The following C2orf92 variants were observed in gnomAD, a reference collection of about 807,000 sequenced individuals.
The protein encoded by C2orf92 is chromosome 2 open reading frame 92, also known as uncharacterized protein C2orf92.
intron 1 of C2orf92, among the ~76,000 whole-genome samples, 187 bp downstream of exon 1, chr2:97,670,021 T>C (rs1374392434): frequency 2.0e-5 from 3 of 152,202 alleles, no homozygotes; most frequent in South Asian, 2.1e-4. Flanking sequence ...AACATTTTCC[T>C]AACTTTGAAG....
At chr2:97,665,725 CTCTCTCTCTCTCTATATA>C (rs1375268183), upstream of C2orf92, 295 of 45,032 alleles carry the variant, frequency 6.6e-3, no homozygotes, top group African/African-American at 0.022. Flanking sequence ...CTCTCTCTCT[CTCTCTCTCTCTCTATATA>C]TATATATATA....
chr2:97,686,977 C>T (rs1462051807), intron 3 of C2orf92, among the ~76,000 whole-genome samples: 1 of 151,704 alleles, frequency 6.6e-6, no homozygotes, highest in Non-Finnish European at 1.5e-5. Flanking sequence ...GAGACTGCAC[C>T]ACTGCACTCC....
intron 3 of C2orf92, among the ~76,000 whole-genome samples, chr2:97,687,383 A>G (rs1676000530): frequency 6.6e-6 from 1 of 152,140 alleles, no homozygotes; most frequent in Non-Finnish European, 1.5e-5. Context: ...AATAGCAGAA[A>G]TGGAAATTTT....
chr2:97,687,089 G>C (rs1675987004), intron 3 of C2orf92, among the ~76,000 whole-genome samples: 1 of 152,136 alleles, frequency 6.6e-6, no homozygotes, highest in South Asian at 2.1e-4. Flanking sequence ...AATGGGCCAG[G>C]CATGGTGGCT....
In C2orf92 at chr2:97,688,968, C is replaced by T; in HGVS notation, c.306C>T (p.Ser102=). 1 of 398,564 alleles carries T rather than the reference C, an allele frequency of 2.5e-6. No homozygotes were observed. The highest frequency in any genetic ancestry group is 4.4e-6 in the Non-Finnish European group (1 of 226,058). The allele number at this position is 398,564 out of a possible 1,614,324, so 24.7% of individuals were successfully genotyped here. The part of the protein sequence containing the change: ...PSFNEATAVR[S]ITKTDMRKGT... ...TTAACGAAGCAACAGCAGTCAGATCCATTACAAAGACAGACATGAGAAAAG... is the reference window on the plus strand; with the variant it reads ...TTAACGAAGCAACAGCAGTCAGATCTATTACAAAGACAGACATGAGAAAAG... Residue 102 remains serine, a synonymous_variant, in exon 4 of 8, where the codon TCC becomes TCT. Coordinates refer to ENST00000627399, the MANE Select transcript of C2orf92 (RefSeq NM_001351368.2).
intron 1 of C2orf92, among the ~76,000 whole-genome samples, chr2:97,673,818 G>A (rs891377627): frequency 2.0e-5 from 3 of 152,176 alleles, no homozygotes; most frequent in African/African-American, 4.8e-5. Context: ...ATAAGGCTGG[G>A]TGAAAGCTTG....
At chr2:97,675,032 A>G (rs1026200987) in intron 2 of C2orf92, among the ~76,000 whole-genome samples, 3 of 152,088 alleles carry the variant, frequency 2.0e-5, no homozygotes, top group Non-Finnish European at 2.9e-5. Flanking sequence ...TCTGTAAAAT[A>G]TTTGCCCAGA....
intron 3 of C2orf92, among the ~76,000 whole-genome samples, chr2:97,684,031 ATTTTTTTTT>A (rs1204247684): frequency 9.3e-6 from 1 of 107,196 alleles, no homozygotes; most frequent in Middle Eastern, 4.9e-3. Context: ...TGCCCAGCTA[ATTTTTTTTT>A]TTTTTTTTTT....
intron 6 of C2orf92, among the ~76,000 whole-genome samples, chr2:97,700,207 ACT>A (rs1270669853): frequency 1.3e-5 from 2 of 151,932 alleles, no homozygotes; most frequent in African/African-American, 4.8e-5. Flanking sequence ...TATTCCGTCC[ACT>A]CTCACAATTT....
At chr2:97,678,659 C>A (rs1298545702) in intron 3 of C2orf92, among the ~76,000 whole-genome samples, 4 of 151,888 alleles carry the variant, frequency 2.6e-5, no homozygotes, top group African/African-American at 7.3e-5. Context: ...ATGGCACATT[C>A]AAAGTTCTGA....
At chr2:97,674,792 C>T (rs182025726) in intron 2 of C2orf92, among the ~76,000 whole-genome samples, 15 of 152,246 alleles carry the variant, frequency 9.9e-5, no homozygotes, top group Admixed American at 2.6e-4. Context: ...TGATCCCTGA[C>T]GTGCAGTGTC....
At chr2:97,664,821 C>T (rs534301503), upstream of C2orf92, 2 of 152,312 alleles carry the variant, frequency 1.3e-5, no homozygotes, top group Non-Finnish European at 2.9e-5. Flanking sequence ...GCGATCCTCC[C>T]GCTTAGTCTT....
At chr2:97,673,347 C>G (rs924972478) in intron 1 of C2orf92, among the ~76,000 whole-genome samples, 8 of 151,990 alleles carry the variant, frequency 5.3e-5, no homozygotes, top group African/African-American at 1.9e-4. Context: ...TATGGCTGGT[C>G]TGCAGCACCC....
chr2:97,691,845 G>A (rs1186597705), intron 5 of C2orf92, among the ~76,000 whole-genome samples: 1 of 152,138 alleles, frequency 6.6e-6, no homozygotes, highest in Admixed American at 6.6e-5. Context: ...CTGAGATCGC[G>A]CCACTGCACT....
chr2:97,681,646 C>T (rs545127337), intron 3 of C2orf92, among the ~76,000 whole-genome samples: 149 of 152,332 alleles, frequency 9.8e-4, no homozygotes, highest in African/African-American at 3.4e-3. Flanking sequence ...ATCACGAGGT[C>T]AGGAGATCGA....
chr2:97,664,791 C>T (rs1675151947), upstream of C2orf92: 1 of 150,462 alleles, frequency 6.6e-6, no homozygotes, highest in African/African-American at 2.4e-5. Flanking sequence ...CCCGGGCTAG[C>T]CTCGAACTCC....
chr2:97,668,608 A>G (rs544411523), upstream of C2orf92: 1 of 152,340 alleles, frequency 6.6e-6, no homozygotes, highest in East Asian at 1.9e-4. Flanking sequence ...GTCAGCATCT[A>G]CACAACACAG....
At chr2:97,673,877 A>G (rs1675490334) in intron 1 of C2orf92, among the ~76,000 whole-genome samples, 1 of 152,168 alleles carries the variant, frequency 6.6e-6, no homozygotes, top group Non-Finnish European at 1.5e-5. Context: ...CAGGAGCATT[A>G]TGATCTTTAG....
intron 3 of C2orf92, among the ~76,000 whole-genome samples, chr2:97,677,048 A>C (rs1675607194): frequency 6.6e-6 from 1 of 152,192 alleles, no homozygotes; most frequent in Non-Finnish European, 1.5e-5. Context: ...TGTCTAGTAG[A>C]ACACTTGCAG....
Sources: allele counts gnomAD v4.1 joint callset (sites outside exome capture counted in the v4.1 genomes callset), GRCh38; gene constraint gnomAD v4.1.1; transcripts MANE v1.5; gene names NCBI Gene and HGNC (gene_info 2026-07-23, HGNC 2026-07-21).